COL16A1: variants seen among roughly 807,000 people sequenced by gnomAD.
COL16A1 encodes the protein collagen alpha-1(XVI) chain.
A neutral mutation model predicts 266.3 loss-of-function variants in COL16A1; 189 were observed. The observed-to-expected ratio is 0.71, with a 90% CI of 0.63 to 0.80. COL16A1 has a LOEUF of 0.80. Among genes scored for constraint, COL16A1 ranks in the 30% least tolerant of loss-of-function variants. The probability of loss-of-function intolerance (pLI) is 0.00; values close to 1 mark genes in which losing one functional copy is unlikely to be tolerated. For synonymous variants in COL16A1, 740 were observed against 782.3 expected (o/e 0.95, Z 0.90); for missense variants, 1,928 against 2,122.4 (o/e 0.91, Z 1.80).
In COL16A1 at chr1:31,652,434, A is replaced by G. The variant is rs1238515881; in HGVS notation, c.*217T>C. On this transcript the variant is annotated 3_prime_UTR_variant, in exon 71 of 71. Coordinates refer to ENST00000373672, the MANE Select transcript of COL16A1 (RefSeq NM_001856.4). The surrounding 1 kb of genome is among the most constrained non-coding windows in gnomAD (Gnocchi z 4.8). ...TTTTTTGTTCCTGGGACTAAACGGG[A>G]AAAGGAGGGCAACAGGGAGCTCTGG... 1.5e-5 allele frequency: 7 copies of G among 460,630 alleles called. No individual in the cohort carries two copies. The highest frequency in any genetic ancestry group is 2.5e-5 in the Non-Finnish European group (7 of 283,014). The allele number at this position is 460,630 out of a possible 1,614,324, so 28.5% of individuals were successfully genotyped here.
In COL16A1 at chr1:31,672,654, G is replaced by C; in HGVS notation, c.2977-17C>G. ...CAAAAAGCACTGCAAGGGACAATGA[G>C]AGGCACATTGTCTGATGAGGCAGCC... On this transcript the variant is annotated splice_polypyrimidine_tract_variant and intron_variant, in intron 45 of 70. Coordinates refer to ENST00000373672, the MANE Select transcript of COL16A1 (RefSeq NM_001856.4). 1.2e-6 allele frequency: 2 copies of C among 1,605,740 alleles called. No individual in the cohort carries two copies. The highest frequency in any genetic ancestry group is 1.7e-6 in the Non-Finnish European group (2 of 1,175,104).
intron 24 of COL16A1, 25 bp downstream of exon 24, chr1:31,689,022 GGCA>G (rs1275549631): frequency 2.5e-6 from 4 of 1,613,840 alleles, no homozygotes; most frequent in Non-Finnish European, 3.4e-6. Flanking sequence ...GGCAGAGGAG[GGCA>G]GCCAGGAGAG....
At chr1:31,665,676 C>A in intron 54 of COL16A1, 58 bp from the exon 55 acceptor site, 1 of 1,602,048 alleles carries the variant, frequency 6.2e-7, no homozygotes, top group South Asian at 1.1e-5. Flanking sequence ...TGCCTGGCTG[C>A]CCAGGTGGAA....
intron 49 of COL16A1, among the ~76,000 whole-genome samples, chr1:31,669,188 C>A (rs775267430): frequency 6.6e-6 from 1 of 152,086 alleles, no homozygotes; most frequent in Non-Finnish European, 1.5e-5. Flanking sequence ...GACTGGCGTA[C>A]ACCTTTAGGA....
Position 31,668,934 on chromosome 1 carries a change from G to T in COL16A1, c.3196-79C>A. On this transcript the variant is annotated intron_variant, in intron 49 of 70. Transcript: ENST00000373672. This position sits in a 1 kb window ranked among gnomAD's most constrained non-coding sequence, Gnocchi z 5.8. ...CCTGACTCCTTCCCCCTGCCCCACT[G>T]CCTTCTGTTCCCACTCCAGGCAAAT... The T allele has an allele frequency of 1.5e-6, 2 of 1,324,164 alleles. No individual in the cohort carries two copies. Among genetic ancestry groups the T allele is most frequent in the Non-Finnish European group, 1.1e-6 (1 of 946,810 alleles). The allele number at this position is 1,324,164 out of a possible 1,614,324, so 82.0% of individuals were successfully genotyped here.
intron 20 of COL16A1, among the ~76,000 whole-genome samples, chr1:31,690,919 T>C (rs1351172298): frequency 3.9e-5 from 6 of 152,154 alleles, no homozygotes; most frequent in Non-Finnish European, 1.5e-5. Flanking sequence ...TCCAGCAAAG[T>C]CCACTTTGAT....
rs369949152 is a variant in COL16A1, at chr1:31,697,483, C to T, written c.658-183G>A. On this transcript the variant is annotated intron_variant, in intron 6 of 70. Coordinates refer to ENST00000373672, the MANE Select transcript of COL16A1 (RefSeq NM_001856.4). This position sits in a 1 kb window ranked among gnomAD's most constrained non-coding sequence, Gnocchi z 4.2. ...CAGAACAAAACTGCGCACACAGGAACGAGGGAGAGGAGGCCCAGAGGAACA... is the reference window on the plus strand; with the variant it reads ...CAGAACAAAACTGCGCACACAGGAATGAGGGAGAGGAGGCCCAGAGGAACA... Among the ~76,000 whole-genome samples the T allele has an allele frequency of 1.3e-5, 2 of 152,052 alleles. No homozygotes were observed. The highest frequency in any genetic ancestry group is 1.3e-4 in the Admixed American group (2 of 15,270).
intron 54 of COL16A1, 27 bp from the exon 55 acceptor site, chr1:31,665,645 GC>G: frequency 6.2e-7 from 1 of 1,611,430 alleles, no homozygotes; most frequent in East Asian, 2.2e-5. Context: ...GGGGCAGTGT[GC>G]TGTGCCACCC....
Position 31,660,575 on chromosome 1 carries a change from T to C in COL16A1, c.3879+10A>G, listed in dbSNP as rs780702075. 1.4e-5 allele frequency: 23 copies of C among 1,613,750 alleles called. No individual in the cohort carries two copies. The highest frequency in any genetic ancestry group is 1.9e-5 in the Non-Finnish European group (23 of 1,179,800). On this transcript the variant is annotated intron_variant, in intron 62 of 70. Transcript: ENST00000373672. The stretch of plus-strand genomic sequence containing the variant: ...CTTATGGAGACAGAGACAAAAGTGG[T>C]TCAACTCACAACGTGTCCCGGGGGA...
At position 31,666,047 on chromosome 1, in the gene COL16A1, G is replaced by T; in HGVS notation, c.3392C>A (p.Pro1131Gln). ...PPGSEGLPGP[P>Q]GPAGPRGERG... ...CCCTCCTTCACTCACCGCTGGGCCTGGGGGGCCTGGGAGGCCTTCAGATCC... is the reference window on the plus strand; with the variant it reads ...CCCTCCTTCACTCACCGCTGGGCCTTGGGGGCCTGGGAGGCCTTCAGATCC... The change falls in exon 53 of 71, where the codon CCA becomes CAA. Residue 1131 changes from proline (P) to glutamine (Q), a missense_variant. Pro to Gln is a moderately conservative substitution (Grantham distance 76, BLOSUM62 -1). Coordinates refer to ENST00000373672, the MANE Select transcript of COL16A1 (RefSeq NM_001856.4). 1 of 1,613,390 alleles carries T rather than the reference G, an allele frequency of 6.2e-7. No individual in the cohort carries two copies. The highest frequency in any genetic ancestry group is 8.5e-7 in the Non-Finnish European group (1 of 1,179,800).
chr1:31,686,430 A>G (rs1643980333), intron 26 of COL16A1, 151 bp from the exon 27 acceptor site: 1 of 1,107,788 alleles, frequency 9.0e-7, no homozygotes, highest in Non-Finnish European at 1.3e-6. Context: ...CAAGGTCCCC[A>G]AGGGAGTCTG....
In COL16A1 at chr1:31,661,514, C is replaced by G. The variant is rs1641662234; in HGVS notation, c.3727-56G>C. ...CCTCATGTCAGCTGGGGGCCTCTTC[C>G]CACTCCTCCTTCCTCAGTTCAAACA... On this transcript the variant is annotated intron_variant, in intron 59 of 70. Transcript: ENST00000373672. 2.5e-6 allele frequency: 4 copies of G among 1,613,706 alleles called. No individual in the cohort carries two copies. In the Admixed American group the frequency reaches 6.7e-5, roughly 27 times the overall value.
In COL16A1 at chr1:31,699,711, G is replaced by A. The variant is rs964313287; in HGVS notation, c.266+102C>T. On this transcript the variant is annotated intron_variant, in intron 4 of 70. Coordinates refer to ENST00000373672, the MANE Select transcript of COL16A1 (RefSeq NM_001856.4). ...CTCCTGGCAGGGGCTGGGATGCAATGACCCACAGACAGGCCCCTGGGCTTA... is the reference window on the plus strand; with the variant it reads ...CTCCTGGCAGGGGCTGGGATGCAATAACCCACAGACAGGCCCCTGGGCTTA... 7.7e-6 allele frequency: 6 copies of A among 774,858 alleles called. No homozygotes were observed. The Admixed American group carries it at 1.3e-4, about 16-fold the overall frequency. The allele number at this position is 774,858 out of a possible 1,614,324, so 48.0% of individuals were successfully genotyped here. A position where few individuals can be genotyped will look rare whatever the true frequency, so the allele number is the denominator to read the frequency against.
chr1:31,670,320 G>A lies in COL16A1; in HGVS notation c.3195+282C>T, dbSNP rs1451598447. 2.6e-6 allele frequency: 1 copy of A among 385,336 alleles called. No individual in the cohort carries two copies. Among genetic ancestry groups the A allele is most frequent in the Non-Finnish European group, 4.6e-6 (1 of 217,958 alleles). The allele number at this position is 385,336 out of a possible 1,614,324, so 23.9% of individuals were successfully genotyped here. A position where few individuals can be genotyped will look rare whatever the true frequency, so the allele number is the denominator to read the frequency against. On this transcript the variant is annotated intron_variant, in intron 49 of 70. Transcript: ENST00000373672. This position sits in a 1 kb window ranked among gnomAD's most constrained non-coding sequence, Gnocchi z 4.5. ...AGGACTTGGGGGAGTGCTGCAAGAT[G>A]GTGCGAGAAATGGAGAAGGAAGACA... is the stretch of plus-strand genomic sequence containing the variant.
chr1:31,670,713 A>G lies in COL16A1; in HGVS notation c.3151-67T>C. 1 of 1,334,642 alleles carries G rather than the reference A, an allele frequency of 7.5e-7. No individual in the cohort carries two copies. The highest frequency in any genetic ancestry group is 3.9e-5 in the Admixed American group (1 of 25,608). 82.7% of individuals were successfully genotyped at this position (1,334,642 alleles called of 1,614,324 possible). A position where few individuals can be genotyped will look rare whatever the true frequency, so the allele number is the denominator to read the frequency against. Reference sequence around the variant, plus strand: ...AACCCTGGGACAGCCTGGAGGGCACAGTCTGGGGCTTGGGGGTCATGGGGA... The same window carrying G: ...AACCCTGGGACAGCCTGGAGGGCACGGTCTGGGGCTTGGGGGTCATGGGGA... On this transcript the variant is annotated intron_variant, in intron 48 of 70. Coordinates refer to ENST00000373672, the MANE Select transcript of COL16A1 (RefSeq NM_001856.4). The surrounding 1 kb of genome is among the most constrained non-coding windows in gnomAD (Gnocchi z 4.5).
chr1:31,689,402 G>A (rs1644150861), intron 23 of COL16A1: 1 of 568,554 alleles, frequency 1.8e-6, no homozygotes, highest in Non-Finnish European at 3.1e-6. Flanking sequence ...ACCCAGTCCT[G>A]CTCACTCCTT....
At chr1:31,671,766 G>A in intron 47 of COL16A1, 107 bp from the exon 48 acceptor site, 2 of 1,385,852 alleles carry the variant, frequency 1.4e-6, no homozygotes, top group Non-Finnish European at 2.0e-6. Flanking sequence ...TCAACAGAGG[G>A]TGGCTGCTGT....
intron 2 of COL16A1, among the ~76,000 whole-genome samples, chr1:31,700,809 A>G (rs1217686270): frequency 6.6e-6 from 1 of 152,214 alleles, no homozygotes; most frequent in Admixed American, 6.5e-5. Context: ...GTCTGAGGGG[A>G]CCACAAGCTC....
At chr1:31,691,734 C>T in intron 17 of COL16A1, 92 bp from the exon 18 acceptor site, 2 of 1,469,512 alleles carry the variant, frequency 1.4e-6, no homozygotes, top group Non-Finnish European at 1.8e-6. Context: ...TCCCACCCTC[C>T]CTGCCCCTCC....
Sources: allele counts gnomAD v4.1 joint callset (sites outside exome capture counted in the v4.1 genomes callset), GRCh38; gene constraint gnomAD v4.1.1; non-coding constraint Gnocchi (gnomAD v3.1); transcripts MANE v1.5; gene names NCBI Gene and HGNC (gene_info 2026-07-23, HGNC 2026-07-21).